The following NSMF variants were observed in gnomAD, a reference collection of about 807,000 sequenced individuals.
The protein encoded by NSMF is nasal embryonic LHRH factor.
In NSMF, 31 loss-of-function variants were observed where a neutral mutation model predicts 71.0. The ratio of observed to expected loss-of-function variants is 0.44; its 90% CI spans 0.33 to 0.59. NSMF has a LOEUF of 0.59. Among genes scored for constraint, NSMF ranks in the 20% least tolerant of loss-of-function variants. The pLI is 0.04. For synonymous variants in NSMF, 345 were observed against 287.1 expected (o/e 1.20, Z -2.04); for missense variants, 673 against 740.5 (o/e 0.91, Z 1.06).
At chr9:137,449,722 G>A in intron 14 of NSMF, 48 bp from the exon 15 acceptor site, 1 of 1,519,780 alleles carries the variant, frequency 6.6e-7, no homozygotes, top group Non-Finnish European at 9.1e-7. Context: ...GATGGGGAAG[G>A]AGGAGCGGGG....
chr9:137,453,100 C>G lies in NSMF; in HGVS notation c.1003G>C (p.Ala335Pro), dbSNP rs764100739. ...AAGCCTTCGGTGTCGCAGGCCACAG[C>G]CTCCAGGCCCTTCTCAGTGTCCCAG... ...LDWDTEKGLE[A>P]VACDTEGFVP... Residue 335 changes from alanine (A) to proline (P), a missense_variant, in exon 9 of 16, where the codon GCT becomes CCT. Around this residue, in one of 2 missense-constraint regions of NSMF, gnomAD observed 202 missense variants for 280.8 expected, o/e 0.72. Coordinates refer to ENST00000371475, the MANE Select transcript of NSMF (RefSeq NM_001130969.3). The surrounding 1 kb of genome is among the most constrained non-coding windows in gnomAD (Gnocchi z 4.5). The G allele has an allele frequency of 1.2e-6, 2 of 1,612,660 alleles. No homozygotes were observed.
rs1830932022 is a variant in NSMF at position 137,457,995 on chromosome 9, C to G, written c.134-94G>C. 5 of 1,517,588 alleles carry G rather than the reference C, an allele frequency of 3.3e-6. No individual in the cohort carries two copies. The Admixed American group carries it at 9.8e-5, about 30-fold the overall frequency. The allele number at this position is 1,517,588 out of a possible 1,614,324, so 94.0% of individuals were successfully genotyped here. On this transcript the variant is annotated intron_variant, in intron 2 of 15. Transcript: ENST00000371475. ...GAAGGCAGAGAACACCCAGTGGGCA[C>G]CTGGCCTCTGTGGGGGACTAGGGCT...
At chr9:137,458,042 G>C (rs1042935963) in intron 2 of NSMF, 141 bp from the exon 3 acceptor site, 16 of 1,224,548 alleles carry the variant, frequency 1.3e-5, no homozygotes, top group Non-Finnish European at 1.3e-5. Flanking sequence ...AGTCACTGGC[G>C]TGTTTCTGAG....
intron 1 of NSMF, 129 bp from the exon 2 acceptor site, chr9:137,458,678 C>G: frequency 1.1e-6 from 1 of 901,090 alleles, no homozygotes. Flanking sequence ...GGGTCGTCCC[C>G]CTCCGGGAGC....
intron 9 of NSMF, 98 bp from the exon 10 acceptor site, chr9:137,452,917 C>G (rs1830612559): frequency 6.4e-7 from 1 of 1,556,926 alleles, no homozygotes; most frequent in African/African-American, 1.4e-5. Context: ...GCCAGGCAGC[C>G]CAAGGGTATA....
Position 137,457,425 on chromosome 9 carries a change from T to C in NSMF, c.610A>G (p.Ser204Gly). The change falls in exon 3 of 16, where the codon AGC becomes GGC. Residue 204 changes from serine to glycine, a missense_variant. Physicochemically the swap from Ser to Gly is moderately conservative, Grantham distance 56. Coordinates refer to ENST00000371475, the MANE Select transcript of NSMF (RefSeq NM_001130969.3). The stretch of plus-strand genomic sequence containing the variant: ...CCCTCACCAGACACACGGTCAACGC[T>C]GTACATCCTCTCCAGCTTCTTGCGG... Reference protein sequence around the residue: ...GRRKKLERMYSVDRVSDDIPI... With the variant: ...GRRKKLERMYGVDRVSDDIPI... 1.9e-6 allele frequency: 3 copies of C among 1,612,876 alleles called. No individual in the cohort carries two copies. The highest frequency in any genetic ancestry group is 2.5e-6 in the Non-Finnish European group (3 of 1,179,984).
Position 137,449,843 on chromosome 9 carries a change from G to T in NSMF, c.1419+80C>A. 3 of 1,399,510 alleles carry T rather than the reference G, an allele frequency of 2.1e-6. No individual in the cohort carries two copies. In the South Asian group the frequency reaches 3.5e-5, roughly 16 times the overall value. 86.7% of individuals were successfully genotyped at this position (1,399,510 alleles called of 1,614,324 possible). A position where few individuals can be genotyped will look rare whatever the true frequency, so the allele number is the denominator to read the frequency against. On this transcript the variant is annotated intron_variant, in intron 14 of 15. Coordinates refer to ENST00000371475, the MANE Select transcript of NSMF (RefSeq NM_001130969.3). The stretch of plus-strand genomic sequence containing the variant: ...CCCGGGGGAAGGAAAAAAAATGCCA[G>T]GAAACATGGAAGGCTCTGCCCTGTC...
At chr9:137,455,421 G>A in intron 5 of NSMF, 114 bp from the exon 6 acceptor site, 1 of 1,271,312 alleles carries the variant, frequency 7.9e-7, no homozygotes, top group Non-Finnish European at 1.1e-6. Context: ...ACGGGGCCCG[G>A]CAGAGGAGTC....
In NSMF at chr9:137,450,177, G is replaced by A. The variant is rs771334994; in HGVS notation, c.1315C>T (p.His439Tyr). Reference sequence around the variant, plus strand: ...CGCCCAGGGCACCCGGCTTCTCACTGAATCATGTCCTCTTCCTTCTCCACT... The same window carrying A: ...CGCCCAGGGCACCCGGCTTCTCACTAAATCATGTCCTCTTCCTTCTCCACT... ...AKVEKEEDMI[H>Y]FWKRLSRLMS... The change falls in exon 13 of 16, where the codon CAC (histidine) becomes TAC (tyrosine). Residue 439 changes from histidine (H) to tyrosine (Y), a missense_variant and splice_region_variant. His to Tyr is a moderately conservative substitution (Grantham distance 83, BLOSUM62 2). Around this residue, in one of 2 missense-constraint regions of NSMF, gnomAD observed 202 missense variants for 280.8 expected, o/e 0.72. Coordinates refer to ENST00000371475, the MANE Select transcript of NSMF (RefSeq NM_001130969.3). 8.1e-6 allele frequency: 13 copies of A among 1,613,130 alleles called. No individual in the cohort carries two copies. The highest frequency in any genetic ancestry group is 1.6e-4 in the Middle Eastern group (1 of 6,078).
chr9:137,458,969 G>T, intron 1 of NSMF, 63 bp downstream of exon 1: 1 of 1,199,210 alleles, frequency 8.3e-7, no homozygotes, highest in Non-Finnish European at 1.1e-6. Flanking sequence ...CGGGGCAGGG[G>T]CGGACTCGGG....
chr9:137,454,341 A>G (rs1327172819), intron 7 of NSMF, 50 bp downstream of exon 7: 3 of 1,525,392 alleles, frequency 2.0e-6, no homozygotes, highest in Admixed American at 3.9e-5. Context: ...CAAAGCCCCA[A>G]CCAGCCAAGC....
At chr9:137,456,622 G>T in intron 3 of NSMF, 136 bp from the exon 4 acceptor site, 1 of 735,400 alleles carries the variant, frequency 1.4e-6, no homozygotes, top group Admixed American at 1.9e-5. Flanking sequence ...GGGGAGGGTG[G>T]CATCCCCACA....
At chr9:137,452,935 G>A in intron 9 of NSMF, 116 bp from the exon 10 acceptor site, 1 of 1,567,016 alleles carries the variant, frequency 6.4e-7, no homozygotes, top group Non-Finnish European at 8.7e-7. Flanking sequence ...ATAGCCCTGT[G>A]AGACACCCTC....
intron 1 of NSMF, 144 bp from the exon 2 acceptor site, chr9:137,458,693 A>C: frequency 1.2e-6 from 1 of 829,738 alleles, no homozygotes; most frequent in South Asian, 1.4e-5. Flanking sequence ...GGGAGCCCAC[A>C]CACCCTTGGT....
At chr9:137,458,284 G>T (rs924916025) in intron 2 of NSMF, among the ~76,000 whole-genome samples, 1 of 152,204 alleles carries the variant, frequency 6.6e-6, no homozygotes, top group Non-Finnish European at 1.5e-5. Context: ...CGGCCCAGGC[G>T]GGGTGGGTGC....
rs940650987 is a variant in NSMF, at chr9:137,449,039, G to A, written c.*355C>T. 1.2e-5 allele frequency: 5 copies of A among 422,266 alleles called. No individual in the cohort carries two copies. The highest frequency in any genetic ancestry group is 8.1e-5 in the African/African-American group (4 of 49,382). The allele number at this position is 422,266 out of a possible 1,614,324, so 26.2% of individuals were successfully genotyped here. On this transcript the variant is annotated 3_prime_UTR_variant, in exon 16 of 16. Transcript: ENST00000371475. ...GCTTAACTAGTTAACAAGAAATGCT[G>A]CTTCCCTTTGAATTGTTTCGGGGGT... is the stretch of plus-strand genomic sequence containing the variant.
chr9:137,459,181 C>G lies in NSMF; in HGVS notation c.-79G>C. 2.9e-6 allele frequency: 3 copies of G among 1,038,878 alleles called. No individual in the cohort carries two copies. The highest frequency in any genetic ancestry group is 3.5e-6 in the Non-Finnish European group (3 of 845,998). 64.4% of individuals were successfully genotyped at this position (1,038,878 alleles called of 1,614,324 possible). ...CCTCCGCCGGGGTAGCCGCGCCGCA[C>G]CGGGGGTCGCGCTCGGGCTCGGGCT... On this transcript the variant is annotated 5_prime_UTR_variant, in exon 1 of 16. Transcript: ENST00000371475.
rs958513557 is a variant in NSMF, at chr9:137,454,281, G to A, written c.832+110C>T. The A allele has an allele frequency of 9.0e-5, 97 of 1,072,984 alleles. No individual in the cohort carries two copies. In the East Asian group the frequency reaches 2.4e-3, roughly 27 times the overall value. 66.5% of individuals were successfully genotyped at this position (1,072,984 alleles called of 1,614,324 possible). The stretch of plus-strand genomic sequence containing the variant: ...TGGAAGGGGAGGAGCCTGAGGCAGG[G>A]CCCGATTGGGGTTGGGGCGGGGGTC... On this transcript the variant is annotated intron_variant, in intron 7 of 15. Coordinates refer to ENST00000371475, the MANE Select transcript of NSMF (RefSeq NM_001130969.3).
In NSMF at chr9:137,458,534, A is replaced by G; in HGVS notation, c.87T>C (p.Phe29=). Residue 29 remains phenylalanine (F), a synonymous_variant, in exon 2 of 16, where the codon TTT becomes TTC. Coordinates refer to ENST00000371475, the MANE Select transcript of NSMF (RefSeq NM_001130969.3). ...VAAKVRAARA[F]GEYLSQSHPE... ...GGTGACTCTGGGACAGGTACTCTCCAAACGCTCGGGCTGCTCTGAGGGTGG... is the reference window on the plus strand; with the variant it reads ...GGTGACTCTGGGACAGGTACTCTCCGAACGCTCGGGCTGCTCTGAGGGTGG... 3 of 1,598,528 alleles carry G rather than the reference A, an allele frequency of 1.9e-6. No homozygotes were observed. Among genetic ancestry groups the G allele is most frequent in the Non-Finnish European group, 2.6e-6 (3 of 1,174,338 alleles).
Sources: gnomAD v4.1 joint callset for allele counts (sites outside exome capture counted in the v4.1 genomes callset) on GRCh38, gnomAD v4.1.1 for gene constraint, gnomAD v4.1.1 regional missense constraint, Gnocchi (gnomAD v3.1) non-coding constraint, MANE v1.5 for transcripts, NCBI Gene and HGNC (gene_info 2026-07-23, HGNC 2026-07-21) for gene names.